The following ERG variants were observed in gnomAD, a reference collection of about 807,000 sequenced individuals.
The protein encoded by ERG is transcriptional regulator ERG.
ERG carries 9 observed loss-of-function variants against 55.3 expected under a neutral mutation model. The ratio of observed to expected loss-of-function variants is 0.16; its 90% CI spans 0.10 to 0.28. The LOEUF is 0.28. Ranked by LOEUF, ERG falls within the 10% of genes least tolerant of loss-of-function variation. The pLI is 1.00. For missense variants in ERG, 434 were observed against 631.6 expected, an observed-to-expected ratio of 0.69 and a Z score of 3.35; for synonymous variants, 223 against 237.3, an observed-to-expected ratio of 0.94 and a Z score of 0.55.
chr21:38,594,526 G>A (rs893026034), intron 1 of ERG, among the ~76,000 whole-genome samples: 18 of 152,116 alleles, frequency 1.2e-4, no homozygotes, highest in African/African-American at 2.4e-4. Flanking sequence ...GTTGCAAGGT[G>A]TGTCTCTCAC....
intron 1 of ERG, among the ~76,000 whole-genome samples, chr21:38,623,722 T>C (rs2060307497): frequency 6.6e-6 from 1 of 152,164 alleles, no homozygotes; most frequent in Non-Finnish European, 1.5e-5. Context: ...ACAGCAAACA[T>C]GTAAGTAAGG....
At chr21:38,534,105 C>T (rs2059691996) in intron 2 of ERG, among the ~76,000 whole-genome samples, 1 of 152,158 alleles carries the variant, frequency 6.6e-6, no homozygotes, top group African/African-American at 2.4e-5. Context: ...TAACTCCCCT[C>T]TCTCCTGCTG....
At chr21:38,617,385 A>T (rs1376305335) in intron 1 of ERG, among the ~76,000 whole-genome samples, 2 of 152,214 alleles carry the variant, frequency 1.3e-5, no homozygotes, top group East Asian at 3.8e-4. Context: ...CCATGTGTTC[A>T]GCCTCTCCCT....
chr21:38,550,231 G>A (rs1190363590), intron 2 of ERG, among the ~76,000 whole-genome samples: 1 of 152,178 alleles, frequency 6.6e-6, no homozygotes, highest in Non-Finnish European at 1.5e-5. Context: ...GCCCTGAGCT[G>A]TGGAAGCCCT....
chr21:38,382,640 T>G lies in ERG; in HGVS notation c.*763A>C. The G allele has an allele frequency of 2.8e-6, 3 of 1,066,978 alleles. No individual in the cohort carries two copies. Among genetic ancestry groups the G allele is most frequent in the Non-Finnish European group, 3.4e-6 (3 of 880,110 alleles). 66.1% of individuals were successfully genotyped at this position (1,066,978 alleles called of 1,614,324 possible). On this transcript the variant is annotated 3_prime_UTR_variant, in exon 10 of 10. Transcript: ENST00000288319. ...ATGTCCTGAGTCCAGTCTTCATTGC[T>G]TGAGAAGTTTCTTTCCCAGCCCTGG... is the stretch of plus-strand genomic sequence containing the variant.
intron 2 of ERG, among the ~76,000 whole-genome samples, chr21:38,509,531 A>T (rs1039759721): frequency 1.3e-5 from 2 of 152,124 alleles, no homozygotes; most frequent in Admixed American, 6.5e-5. Context: ...TAGGCTCATT[A>T]AATGTAGAGG....
At chr21:38,378,701 G>T (rs1223215583), downstream of ERG, among the ~76,000 whole-genome samples, 2 of 152,118 alleles carry the variant, frequency 1.3e-5, no homozygotes, top group Non-Finnish European at 2.9e-5. Flanking sequence ...AATTGATGTT[G>T]CAGTCTAATG....
Position 38,528,607 on chromosome 21 carries a change from C to T in ERG, c.-41+47055G>A, listed in dbSNP as rs574561045. On this transcript the variant is annotated intron_variant, in intron 2 of 8. Transcript: ENST00000398897. ...GGACTACAGGCACCCGCCACTACGC[C>T]CGGCTAATTTTTTTGTATTTTTAGT... Among the ~76,000 whole-genome samples, 386 of 94,688 alleles carry T rather than the reference C, an allele frequency of 4.1e-3. 127 individuals carry two copies. The highest frequency in any genetic ancestry group is 7.4e-3 in the Non-Finnish European group (303 of 40,956). 62.1% of individuals were successfully genotyped at this position (94,688 alleles called of 152,430 possible).
intron 1 of ERG, among the ~76,000 whole-genome samples, chr21:38,641,044 C>T (rs961660258): frequency 9.9e-5 from 15 of 152,112 alleles, no homozygotes; most frequent in African/African-American, 3.1e-4. Flanking sequence ...GATAGGCAAC[C>T]GTTTTCTGAG....
chr21:38,612,073 C>T (rs531215160), intron 1 of ERG, among the ~76,000 whole-genome samples: 5 of 152,228 alleles, frequency 3.3e-5, no homozygotes, highest in East Asian at 1.9e-4. Flanking sequence ...AGGAAGAATG[C>T]GGGTGACATT....
intron 2 of ERG, among the ~76,000 whole-genome samples, chr21:38,536,876 G>A (rs1310183616): frequency 1.3e-5 from 2 of 152,142 alleles, no homozygotes; most frequent in Non-Finnish European, 2.9e-5. Flanking sequence ...TAAATTTATG[G>A]CTGACAAAAT....
At chr21:38,568,182 T>A (rs1055371634) in intron 2 of ERG, among the ~76,000 whole-genome samples, 11 of 152,138 alleles carry the variant, frequency 7.2e-5, no homozygotes, top group African/African-American at 2.4e-4. Context: ...GTATCTCCCC[T>A]TCCACTGCTA....
intron 2 of ERG, among the ~76,000 whole-genome samples, chr21:38,444,639 G>T (rs759789898): frequency 2.9e-4 from 44 of 151,414 alleles, no homozygotes; most frequent in African/African-American, 8.5e-4. Context: ...TACATTTTAC[G>T]TGACAGTTGT....
intron 1 of ERG, among the ~76,000 whole-genome samples, chr21:38,493,291 A>C (rs2059352091): frequency 6.6e-6 from 1 of 152,218 alleles, no homozygotes. Flanking sequence ...TTTTAGATAG[A>C]ATATAATGAA....
intron 2 of ERG, among the ~76,000 whole-genome samples, chr21:38,442,059 A>C (rs2058846350): frequency 6.6e-6 from 1 of 152,200 alleles, no homozygotes; most frequent in Non-Finnish European, 1.5e-5. Context: ...GCAATGTTAG[A>C]ATTCTATGAG....
At chr21:38,643,735 A>T (rs1253845845) in intron 1 of ERG, among the ~76,000 whole-genome samples, 5 of 152,166 alleles carry the variant, frequency 3.3e-5, no homozygotes, top group African/African-American at 1.2e-4. Context: ...GCCACTGGAA[A>T]ATTTCCTCAG....
chr21:38,507,633 C>CCTT (rs1394130631), intron 2 of ERG, among the ~76,000 whole-genome samples: 7 of 152,226 alleles, frequency 4.6e-5, no homozygotes, highest in Admixed American at 2.6e-4. Flanking sequence ...CCAGGAGAGC[C>CCTT]CTTCAAGAGC....
chr21:38,370,084 G>T, the ERG span, among the ~76,000 whole-genome samples: 49 of 152,182 alleles, frequency 3.2e-4, no homozygotes, highest in African/African-American at 1.1e-3. Context: ...TTTTGCTTAG[G>T]ACTGTCTTGG....
intron 2 of ERG, among the ~76,000 whole-genome samples, chr21:38,574,622 T>C (rs1314763634): frequency 6.6e-6 from 1 of 152,266 alleles, no homozygotes; most frequent in Non-Finnish European, 1.5e-5. Context: ...TGTACGTCCA[T>C]GTGTAATTGT....
Sources: allele counts gnomAD v4.1 joint callset (sites outside exome capture counted in the v4.1 genomes callset), GRCh38; gene constraint gnomAD v4.1.1; transcripts MANE v1.5; gene names NCBI Gene and HGNC (gene_info 2026-07-23, HGNC 2026-07-21).